Variants in GSG1L observed in about 807,000 individuals in gnomAD.
The protein encoded by GSG1L is germ cell-specific gene 1-like protein.
Under a neutral mutation model 42.1 loss-of-function variants are expected in GSG1L, and 24 were observed. The observed-to-expected ratio is 0.57, with a 90% CI of 0.41 to 0.80. The LOEUF (loss-of-function observed/expected upper bound fraction) is 0.80, where lower values mean the gene tolerates loss of function less well. Among genes scored for constraint, GSG1L ranks in the 30% least tolerant of loss-of-function variants. The pLI, the probability that GSG1L is intolerant of heterozygous loss-of-function variation, is 0.00. For synonymous variants in GSG1L, 215 were observed against 203.5 expected (o/e 1.06, Z -0.48); for missense variants, 445 against 472.2 (o/e 0.94, Z 0.53).
At chr16:27,989,773 C>T (rs564300273) in intron 1 of GSG1L, among the ~76,000 whole-genome samples, 45 of 150,362 alleles carry the variant, frequency 3.0e-4, no homozygotes, top group African/African-American at 9.7e-4. Flanking sequence ...ATATGGGAAA[C>T]GTTGTCAAAT....
chr16:27,792,751 G>A (rs1006974402), intron 6 of GSG1L, among the ~76,000 whole-genome samples: 6 of 152,192 alleles, frequency 3.9e-5, no homozygotes, highest in African/African-American at 1.4e-4. Flanking sequence ...CTGTGGACCA[G>A]TGGAGGTGGA....
intron 1 of GSG1L, among the ~76,000 whole-genome samples, chr16:28,006,106 C>A (rs933285662): frequency 2.0e-5 from 3 of 152,060 alleles, no homozygotes; most frequent in African/African-American, 7.2e-5. Flanking sequence ...GGTGGGGGGT[C>A]CCCAGCCAAG....
chr16:27,944,558 G>C (rs1194005415), intron 2 of GSG1L, among the ~76,000 whole-genome samples: 2 of 151,456 alleles, frequency 1.3e-5, no homozygotes, highest in African/African-American at 4.9e-5. Flanking sequence ...GGAGGTGGAG[G>C]TTGCAGTGAG....
chr16:27,900,826 A>G (rs1489848128), intron 2 of GSG1L, among the ~76,000 whole-genome samples: 6 of 152,042 alleles, frequency 3.9e-5, no homozygotes, highest in African/African-American at 1.4e-4. Context: ...AAACATTAAA[A>G]AAAAAAAAAC....
At chr16:27,905,694 T>C (rs1273497349) in intron 2 of GSG1L, among the ~76,000 whole-genome samples, 6 of 152,136 alleles carry the variant, frequency 3.9e-5, no homozygotes, top group African/African-American at 1.4e-4. Context: ...GGGTCTATCC[T>C]AGCACGAAGA....
rs370444086 is a variant in GSG1L at position 27,857,357 on chromosome 16, G to A, written c.551-12296C>T. Among the ~76,000 whole-genome samples the A allele has an allele frequency of 1.4e-3, 212 of 151,598 alleles. 7 individuals carry two copies. In the South Asian group the frequency reaches 0.042, roughly 30 times the overall value. On this transcript the variant is annotated intron_variant, in intron 3 of 6. Coordinates refer to ENST00000447459, the MANE Select transcript of GSG1L (RefSeq NM_001109763.2). ...GCAGGGGAATCTCTTGAACCCAGGA[G>A]GCAGAGGTTGCAGTGAGCCAAGATC...
chr16:27,941,949 G>A (rs976785562), intron 2 of GSG1L, among the ~76,000 whole-genome samples: 6 of 152,154 alleles, frequency 3.9e-5, no homozygotes, highest in African/African-American at 1.4e-4. Flanking sequence ...GCTGGAAGGA[G>A]AGGCAGATGG....
At chr16:27,818,054 C>G (rs1261832796) in intron 5 of GSG1L, among the ~76,000 whole-genome samples, 1 of 152,210 alleles carries the variant, frequency 6.6e-6, no homozygotes, top group East Asian at 1.9e-4. Flanking sequence ...GTCTGAGATT[C>G]TGCATTTTGA....
intron 1 of GSG1L, among the ~76,000 whole-genome samples, chr16:28,053,894 C>T (rs888342140): frequency 3.9e-5 from 6 of 152,110 alleles, no homozygotes; most frequent in African/African-American, 1.2e-4. Flanking sequence ...TCTCCCTTTG[C>T]GTCTTCTCAT....
chr16:27,852,877 C>A (rs910730548), intron 3 of GSG1L, among the ~76,000 whole-genome samples: 1 of 151,956 alleles, frequency 6.6e-6, no homozygotes, highest in Non-Finnish European at 1.5e-5. Context: ...TGAGGATGGG[C>A]GGGACTTGCC....
At position 27,792,734 on chromosome 16, in the gene GSG1L, T is replaced by C. The variant is rs2082768928; in HGVS notation, c.899-1267A>G. ...GAGCAATGACTGAGCCCAGAATGTATGCACCCCTGTGGACCAGTGGAGGTG... is the reference window on the plus strand; with the variant it reads ...GAGCAATGACTGAGCCCAGAATGTACGCACCCCTGTGGACCAGTGGAGGTG... On this transcript the variant is annotated intron_variant, in intron 6 of 6. Transcript: ENST00000447459. Among the ~76,000 whole-genome samples the C allele has an allele frequency of 2.0e-5, 3 of 152,092 alleles. 1 individual carries two copies. The highest frequency in any genetic ancestry group is 2.0e-4 in the Admixed American group (3 of 15,274).
chr16:28,062,088 T>A (rs1398215002), intron 1 of GSG1L, among the ~76,000 whole-genome samples: 1 of 152,158 alleles, frequency 6.6e-6, no homozygotes, highest in Non-Finnish European at 1.5e-5. Flanking sequence ...AGTTTTAACC[T>A]TGGAGAAAGA....
intron 1 of GSG1L, among the ~76,000 whole-genome samples, chr16:28,060,445 G>A (rs559403092): frequency 3.3e-5 from 5 of 152,254 alleles, no homozygotes; most frequent in South Asian, 2.1e-4. Flanking sequence ...CTCTCAGAGA[G>A]GAAAATTGTG....
chr16:28,023,254 C>G (rs1441879751), intron 1 of GSG1L, among the ~76,000 whole-genome samples: 2 of 152,198 alleles, frequency 1.3e-5, no homozygotes. Context: ...GCTTTTTTCA[C>G]TTGCCAATAA....
At chr16:28,016,671 G>A (rs1351942027) in intron 1 of GSG1L, among the ~76,000 whole-genome samples, 1 of 152,176 alleles carries the variant, frequency 6.6e-6, no homozygotes, top group Non-Finnish European at 1.5e-5. Context: ...ATGCAGATGA[G>A]AACTGCTACT....
chr16:27,890,236 G>C (rs543293904), intron 2 of GSG1L, among the ~76,000 whole-genome samples: 1 of 152,316 alleles, frequency 6.6e-6, no homozygotes, highest in East Asian at 1.9e-4. Context: ...GAGTGGGATG[G>C]AATGGCCCTT....
At chr16:27,851,916 C>A (rs961764410) in intron 3 of GSG1L, among the ~76,000 whole-genome samples, 14 of 152,194 alleles carry the variant, frequency 9.2e-5, no homozygotes, top group African/African-American at 3.1e-4. Context: ...GCCCACATGA[C>A]CCCTCCCAAG....
At chr16:27,903,291 G>A (rs560841645) in intron 2 of GSG1L, among the ~76,000 whole-genome samples, 18 of 152,112 alleles carry the variant, frequency 1.2e-4, no homozygotes, top group Non-Finnish European at 2.1e-4. Flanking sequence ...GGTCGGACCT[G>A]GGTACCCAGT....
At chr16:27,914,711 C>T (rs1333934657) in intron 2 of GSG1L, among the ~76,000 whole-genome samples, 1 of 151,884 alleles carries the variant, frequency 6.6e-6, no homozygotes, top group African/African-American at 2.4e-5. Flanking sequence ...ATTTTGAAAG[C>T]ATTTAGCACA....
Sources: allele counts gnomAD v4.1 joint callset (sites outside exome capture counted in the v4.1 genomes callset), GRCh38; gene constraint gnomAD v4.1.1; transcripts MANE v1.5; gene names NCBI Gene and HGNC (gene_info 2026-07-23, HGNC 2026-07-21).